SMYD3: variants seen among roughly 807,000 people sequenced by gnomAD.
SMYD3 encodes the protein histone-lysine N-methyltransferase SMYD3.
A neutral mutation model predicts 57.7 loss-of-function variants in SMYD3; 36 were observed. That is an observed-to-expected ratio of 0.62 (90% CI 0.48 to 0.82). The LOEUF is 0.82. SMYD3 is among the 40% of genes least tolerant of loss of function. The pLI is 0.00. For synonymous variants in SMYD3, 211 were observed against 195.0 expected (o/e 1.08, Z -0.68); for missense variants, 515 against 538.8 (o/e 0.96, Z 0.44).
At chr1:245,833,927 T>C (rs958596776) in intron 10 of SMYD3, among the ~76,000 whole-genome samples, 1 of 152,214 alleles carries the variant, frequency 6.6e-6, no homozygotes, top group African/African-American at 2.4e-5. Context: ...GATTCCAAAG[T>C]TTACTCTAAT....
chr1:246,241,613 G>C (rs2063611924), intron 5 of SMYD3, among the ~76,000 whole-genome samples: 1 of 152,170 alleles, frequency 6.6e-6, no homozygotes, highest in South Asian at 2.1e-4. Context: ...CTCATAAAAT[G>C]AGTTAGGGAG....
intron 1 of SMYD3, among the ~76,000 whole-genome samples, chr1:246,467,184 A>C (rs2067894408): frequency 6.6e-6 from 1 of 152,112 alleles, no homozygotes; most frequent in Non-Finnish European, 1.5e-5. Flanking sequence ...AAAATAAATA[A>C]ATAAAATTTA....
intron 5 of SMYD3, among the ~76,000 whole-genome samples, chr1:246,090,890 C>T (rs7549378): frequency 0.084 from 12,734 of 152,074 alleles, 654 homozygotes; most frequent in African/African-American, 0.13. Context: ...ATTTTGCTGA[C>T]GCGAAATGAC....
At chr1:245,897,112 A>C (rs1040654899) in intron 8 of SMYD3, among the ~76,000 whole-genome samples, 31 of 152,272 alleles carry the variant, frequency 2.0e-4, no homozygotes, top group Admixed American at 4.6e-4. Context: ...TAAAGTAAAA[A>C]AGAAGTTATA....
At chr1:245,957,948 T>C (rs546845444) in intron 5 of SMYD3, among the ~76,000 whole-genome samples, 1 of 152,146 alleles carries the variant, frequency 6.6e-6, no homozygotes, top group Non-Finnish European at 1.5e-5. Context: ...TGCAAGAAAA[T>C]GTTAATCTAA....
At chr1:245,988,269 A>G (rs537550745) in intron 5 of SMYD3, 2 of 152,354 alleles carry the variant, frequency 1.3e-5, no homozygotes, top group East Asian at 3.9e-4. Context: ...GAGACAACCC[A>G]GTCTCTGGAA....
chr1:246,496,833 A>G (rs931242870), intron 1 of SMYD3, among the ~76,000 whole-genome samples: 2 of 152,190 alleles, frequency 1.3e-5, no homozygotes, highest in African/African-American at 4.8e-5. Flanking sequence ...TCAAACAAAC[A>G]AACAAAAAGA....
intron 5 of SMYD3, among the ~76,000 whole-genome samples, chr1:245,990,850 A>G (rs1310476704): frequency 6.6e-6 from 1 of 152,222 alleles, no homozygotes; most frequent in Non-Finnish European, 1.5e-5. Flanking sequence ...ATTTGTGGTA[A>G]TTTGTTATGA....
At chr1:246,487,705 T>C (rs1405779139) in intron 1 of SMYD3, among the ~76,000 whole-genome samples, 2 of 151,658 alleles carry the variant, frequency 1.3e-5, no homozygotes, top group African/African-American at 4.8e-5. Context: ...CTTTTTTTTT[T>C]TTTTTTGAGA....
At chr1:246,440,705 C>T (rs2067449610) in intron 1 of SMYD3, among the ~76,000 whole-genome samples, 1 of 152,222 alleles carries the variant, frequency 6.6e-6, no homozygotes, top group Admixed American at 6.5e-5. Context: ...TCATTTTTTA[C>T]TATGATATAG....
intron 5 of SMYD3, among the ~76,000 whole-genome samples, chr1:246,013,027 AAC>A (rs141944942): frequency 0.058 from 8,900 of 152,278 alleles, 283 homozygotes; most frequent in African/African-American, 0.067. Flanking sequence ...CCACAAGGAA[AAC>A]ACAGAAGTCA....
chr1:246,097,657 G>A (rs183930145), intron 5 of SMYD3, among the ~76,000 whole-genome samples: 6 of 151,692 alleles, frequency 4.0e-5, no homozygotes, highest in African/African-American at 1.5e-4. Context: ...TACTTTCACC[G>A]AGAGGGCTGT....
chr1:246,083,830 C>T (rs1286725664), intron 5 of SMYD3, among the ~76,000 whole-genome samples: 1 of 152,172 alleles, frequency 6.6e-6, no homozygotes, highest in Non-Finnish European at 1.5e-5. Flanking sequence ...CCACACAATA[C>T]ACACATAAAG....
At chr1:245,969,791 T>C (rs2058249501) in intron 5 of SMYD3, among the ~76,000 whole-genome samples, 1 of 152,226 alleles carries the variant, frequency 6.6e-6, no homozygotes, top group Non-Finnish European at 1.5e-5. Context: ...AAGTCTTCAC[T>C]CCATCAGAAT....
intron 8 of SMYD3, among the ~76,000 whole-genome samples, chr1:245,895,471 C>T (rs1009602225): frequency 1.3e-5 from 2 of 151,986 alleles, no homozygotes; most frequent in East Asian, 1.9e-4. Flanking sequence ...GACAGTTCTG[C>T]TTACAATTTA....
chr1:245,848,875 G>A (rs182512592), intron 10 of SMYD3, among the ~76,000 whole-genome samples: 167 of 152,296 alleles, frequency 1.1e-3, no homozygotes, highest in African/African-American at 3.7e-3. Flanking sequence ...GAATGTAGAA[G>A]GTAGACAGTG....
intron 10 of SMYD3, among the ~76,000 whole-genome samples, chr1:245,851,548 A>G (rs2050977944): frequency 6.6e-6 from 1 of 152,212 alleles, no homozygotes; most frequent in Admixed American, 6.5e-5. Context: ...CATACAAATA[A>G]GATGGAGGTT....
At chr1:245,915,386 A>G (rs2055330914) in intron 8 of SMYD3, 144 bp downstream of exon 8, 2 of 481,178 alleles carry the variant, frequency 4.2e-6, no homozygotes, top group South Asian at 1.1e-4. Flanking sequence ...AAATATATGC[A>G]GTTCAATGAG....
intron 5 of SMYD3, among the ~76,000 whole-genome samples, chr1:246,020,168 A>G (rs2059447285): frequency 6.6e-6 from 1 of 152,250 alleles, no homozygotes. Flanking sequence ...ACCATTGCAC[A>G]AGAACACAGC....
Sources: allele counts gnomAD v4.1 joint callset (sites outside exome capture counted in the v4.1 genomes callset), GRCh38; gene constraint gnomAD v4.1.1; transcripts MANE v1.5; gene names NCBI Gene and HGNC (gene_info 2026-07-23, HGNC 2026-07-21).